STAU1: variants seen among roughly 807,000 people sequenced by gnomAD.
STAU1 encodes the protein staufen double-stranded RNA binding protein 1, also known as double-stranded RNA-binding protein Staufen homolog 1.
Under a neutral mutation model 62.9 loss-of-function variants are expected in STAU1, and 13 were observed. The observed-to-expected ratio is 0.21, with a 90% CI of 0.13 to 0.33. The LOEUF (loss-of-function observed/expected upper bound fraction) is 0.33, where lower values mean the gene tolerates loss of function less well. Ranked by LOEUF, STAU1 falls within the 10% of genes least tolerant of loss-of-function variation. STAU1 has a pLI of 1.00. For synonymous variants in STAU1, 269 were observed against 265.1 expected (o/e 1.01, Z -0.14); for missense variants, 571 against 712.1 (o/e 0.80, Z 2.25).
chr20:49,180,617 C>T (rs1162834550), intron 1 of STAU1, among the ~76,000 whole-genome samples: 1 of 152,190 alleles, frequency 6.6e-6, no homozygotes, highest in Non-Finnish European at 1.5e-5. Flanking sequence ...GGCCACCATG[C>T]CAGCAATTTT....
At chr20:49,203,299 C>T in the STAU1 span, among the ~76,000 whole-genome samples, 1 of 152,104 alleles carries the variant, frequency 6.6e-6, no homozygotes, top group African/African-American at 2.4e-5. Context: ...GTGGTGCATG[C>T]CTTTAGTCCG....
intron 1 of STAU1, among the ~76,000 whole-genome samples, chr20:49,175,642 G>T (rs983566947): frequency 6.6e-6 from 1 of 151,432 alleles, no homozygotes; most frequent in Non-Finnish European, 1.5e-5. Flanking sequence ...ACCACGCCTG[G>T]CTAATTTTTT....
chr20:49,148,605 A>C (rs1473146687), intron 5 of STAU1, among the ~76,000 whole-genome samples: 1 of 152,230 alleles, frequency 6.6e-6, no homozygotes, highest in Admixed American at 6.5e-5. Context: ...CTCTACTTCC[A>C]ACTCTACAGA....
intron 5 of STAU1, among the ~76,000 whole-genome samples, chr20:49,137,228 C>T (rs753046966): frequency 5.9e-5 from 9 of 152,114 alleles, no homozygotes; most frequent in Non-Finnish European, 1.2e-4. Flanking sequence ...TACAAAACTG[C>T]CATGTATCTC....
chr20:49,158,959 T>C, intron 3 of STAU1: 1 of 1,301,104 alleles, frequency 7.7e-7, no homozygotes, highest in African/African-American at 1.5e-5. Context: ...ACTTCACACA[T>C]CAGGACATCA....
chr20:49,188,618 G>C (rs2093821396), upstream of STAU1, among the ~76,000 whole-genome samples: 2 of 152,230 alleles, frequency 1.3e-5, no homozygotes, highest in South Asian at 4.1e-4. Flanking sequence ...TGCTGGACTC[G>C]AAGCGGGTCT....
At chr20:49,151,531 C>G in intron 5 of STAU1, 51 bp downstream of exon 5, 1 of 1,492,286 alleles carries the variant, frequency 6.7e-7, no homozygotes, top group Non-Finnish European at 8.9e-7. Flanking sequence ...CATCTCCCCA[C>G]TACCCTCCTA....
the STAU1 span, among the ~76,000 whole-genome samples, chr20:49,195,923 A>AAAAAAAAAGAAAAAAG: frequency 1.1e-5 from 1 of 88,426 alleles, no homozygotes; most frequent in Non-Finnish European, 2.8e-5. Context: ...AAAAAGAAAA[A>AAAAAAAAAGAAAAAAG]AGAAAAAAAA....
intron 6 of STAU1, 34 bp from the exon 7 acceptor site, chr20:49,124,621 C>T (rs559308136): frequency 1.2e-6 from 2 of 1,609,492 alleles, no homozygotes; most frequent in African/African-American, 2.7e-5. Flanking sequence ...TGAAAGCGGA[C>T]AGACACTTAT....
chr20:49,196,657 T>A, the STAU1 span, among the ~76,000 whole-genome samples: 1 of 148,940 alleles, frequency 6.7e-6, no homozygotes, highest in Admixed American at 6.8e-5. Flanking sequence ...TCCCAGCTCC[T>A]CTCGAGGGGA....
At chr20:49,209,064 A>C in the STAU1 span, among the ~76,000 whole-genome samples, 1 of 151,620 alleles carries the variant, frequency 6.6e-6, no homozygotes, top group African/African-American at 2.4e-5. Flanking sequence ...GCCTCCCGAG[A>C]AGCTGGGATT....
upstream of STAU1, among the ~76,000 whole-genome samples, chr20:49,189,201 CAAAAAAAAAAAAAAAAAAAAAA>C (rs545643816): frequency 4.5e-4 from 15 of 33,596 alleles, no homozygotes; most frequent in South Asian, 2.0e-3. Context: ...ACACTGGTCT[CAAAAAAAAAAAAAAAAAAAAAA>C]AAAAAAAAAA....
At chr20:49,183,814 T>A (rs192826437) in intron 1 of STAU1, among the ~76,000 whole-genome samples, 1 of 152,242 alleles carries the variant, frequency 6.6e-6, no homozygotes, top group Non-Finnish European at 1.5e-5. Context: ...CGCTTATTGA[T>A]ACAAACAAGA....
chr20:49,134,528 G>C, intron 6 of STAU1: 1 of 1,263,556 alleles, frequency 7.9e-7, no homozygotes, highest in Non-Finnish European at 1.1e-6. Flanking sequence ...CAAACTCATC[G>C]GAAACATAGC....
intron 1 of STAU1, among the ~76,000 whole-genome samples, chr20:49,180,423 A>C (rs1568940834): frequency 6.6e-6 from 1 of 151,830 alleles, no homozygotes; most frequent in Non-Finnish European, 1.5e-5. Context: ...TCCCGGGTTC[A>C]AGCCATTCTC....
the STAU1 span, among the ~76,000 whole-genome samples, chr20:49,213,924 G>T: frequency 6.6e-6 from 1 of 152,196 alleles, no homozygotes; most frequent in Non-Finnish European, 1.5e-5. Context: ...AGAAGATTTG[G>T]GGCCATGGCC....
At chr20:49,121,703 TTG>T (rs993914075) in intron 8 of STAU1, among the ~76,000 whole-genome samples, 1 of 152,220 alleles carries the variant, frequency 6.6e-6, no homozygotes, top group Non-Finnish European at 1.5e-5. Context: ...CACACATCCT[TTG>T]TGTCAGTAAA....
intron 6 of STAU1, among the ~76,000 whole-genome samples, chr20:49,133,384 T>C (rs2092795689): frequency 6.6e-6 from 1 of 152,112 alleles, no homozygotes; most frequent in Non-Finnish European, 1.5e-5. Flanking sequence ...GCCAGGCATC[T>C]CCCACTCCCC....
chr20:49,171,674 A>T (rs1434824750), intron 2 of STAU1, among the ~76,000 whole-genome samples: 1 of 151,982 alleles, frequency 6.6e-6, no homozygotes, highest in Non-Finnish European at 1.5e-5. Flanking sequence ...CTCACTCTCC[A>T]CCATTACTTC....
Sources: gnomAD v4.1 joint callset for allele counts (sites outside exome capture counted in the v4.1 genomes callset) on GRCh38, gnomAD v4.1.1 for gene constraint, MANE v1.5 for transcripts, NCBI Gene and HGNC (gene_info 2026-07-23, HGNC 2026-07-21) for gene names.